Variants in NUDCD3 observed in about 807,000 individuals in gnomAD.
NUDCD3 encodes nudC domain-containing protein 3.
Under a neutral mutation model 39.7 loss-of-function variants are expected in NUDCD3, and 13 were observed. That is an observed-to-expected ratio of 0.33 (90% CI 0.21 to 0.52). NUDCD3 has a LOEUF of 0.52. NUDCD3 is among the 20% of genes least tolerant of loss of function. The pLI is 0.96. For missense variants in NUDCD3, 453 were observed against 458.1 expected (o/e 0.99, Z 0.10); for synonymous variants, 175 against 172.4 (o/e 1.02, Z -0.12).
chr7:44,436,814 G>A (rs1799474385), intron 2 of NUDCD3, among the ~76,000 whole-genome samples: 5 of 152,024 alleles, frequency 3.3e-5, no homozygotes, highest in Admixed American at 3.3e-4. Flanking sequence ...AGAATTATTT[G>A]TTGGTTTACA....
chr7:44,439,936 T>C (rs1799543779), intron 2 of NUDCD3, among the ~76,000 whole-genome samples: 1 of 152,336 alleles, frequency 6.6e-6, no homozygotes. Context: ...ATTTGCATAA[T>C]CTCTAAGTCA....
rs1277270659 is a variant in NUDCD3, at chr7:44,383,777, G to A, written c.*2234C>T. 6.6e-6 allele frequency: 1 copy of A among 152,266 alleles called. No homozygotes were observed. The highest frequency in any genetic ancestry group is 2.4e-5 in the African/African-American group (1 of 41,458). 9.4% of individuals were successfully genotyped at this position (152,266 alleles called of 1,614,324 possible). ...TGTGTCTAAAAAGAGAAAACAGGCA[G>A]GGTGTGCCAGCTCTGGAGACTGGGC... On this transcript the variant is annotated 3_prime_UTR_variant, in exon 6 of 6. Transcript: ENST00000355451.
Position 44,484,948 on chromosome 7 carries a change from T to A in NUDCD3, c.509+20A>T. On this transcript the variant is annotated intron_variant, in intron 2 of 5. Coordinates refer to ENST00000355451, the MANE Select transcript of NUDCD3 (RefSeq NM_015332.4). ...GATGTTACGCAAGAAAGAAGGAAGC[T>A]GCAAAGTAGAAATTCCCACCTGGGA... 1 of 1,560,592 alleles carries A rather than the reference T, an allele frequency of 6.4e-7. No individual in the cohort carries two copies. Among genetic ancestry groups the A allele is most frequent in the Non-Finnish European group, 8.7e-7 (1 of 1,151,980 alleles).
At chr7:44,457,137 C>T (rs1799920457) in intron 2 of NUDCD3, among the ~76,000 whole-genome samples, 1 of 152,140 alleles carries the variant, frequency 6.6e-6, no homozygotes, top group South Asian at 2.1e-4. Context: ...GTGTCATGGT[C>T]ACTTTCTAGC....
chr7:44,386,309 G>T (rs1798401456), intron 5 of NUDCD3, among the ~76,000 whole-genome samples, 188 bp from the exon 6 acceptor site: 1 of 152,184 alleles, frequency 6.6e-6, no homozygotes, highest in Admixed American at 6.5e-5. Context: ...GGTACTGGGT[G>T]CCTGCCAATT....
chr7:44,394,083 G>C (rs1445911304), intron 4 of NUDCD3, among the ~76,000 whole-genome samples: 1 of 152,218 alleles, frequency 6.6e-6, no homozygotes, highest in Non-Finnish European at 1.5e-5. Flanking sequence ...CTAATGAAGA[G>C]GGTGGGCACC....
chr7:44,490,369 G>T, intron 1 of NUDCD3, 40 bp downstream of exon 1: 1 of 1,485,356 alleles, frequency 6.7e-7, no homozygotes. Context: ...GGGCAGGCCG[G>T]GGGCGGCGGC....
At chr7:44,420,264 A>G (rs558799215) in intron 3 of NUDCD3, among the ~76,000 whole-genome samples, 2 of 152,164 alleles carry the variant, frequency 1.3e-5, no homozygotes, top group Non-Finnish European at 2.9e-5. Context: ...TTGAAGATCA[A>G]CTTACTGAAA....
At chr7:44,454,584 T>G (rs938922767) in intron 2 of NUDCD3, among the ~76,000 whole-genome samples, 3 of 152,198 alleles carry the variant, frequency 2.0e-5, no homozygotes, top group African/African-American at 4.8e-5. Context: ...ACTGGCAAAC[T>G]GATCCTTTCA....
chr7:44,430,243 G>A (rs938394082), intron 2 of NUDCD3, among the ~76,000 whole-genome samples: 4 of 152,096 alleles, frequency 2.6e-5, no homozygotes, highest in Admixed American at 1.3e-4. Context: ...ACCCAGGTGC[G>A]GTCCCACGGC....
intron 2 of NUDCD3, among the ~76,000 whole-genome samples, chr7:44,478,956 C>T (rs773085516): frequency 1.6e-4 from 25 of 152,286 alleles, no homozygotes; most frequent in Admixed American, 5.9e-4. Context: ...TTAATTGACT[C>T]GCAGTTCAGC....
intron 3 of NUDCD3, among the ~76,000 whole-genome samples, chr7:44,419,010 CAGG>C (rs1799082766): frequency 1.3e-5 from 2 of 152,216 alleles, no homozygotes; most frequent in Admixed American, 6.5e-5. Context: ...GAGCTAGCTG[CAGG>C]AGTTTTTTTT....
intron 2 of NUDCD3, among the ~76,000 whole-genome samples, chr7:44,429,223 G>A (rs1053305757): frequency 2.0e-5 from 3 of 152,154 alleles, no homozygotes; most frequent in Non-Finnish European, 4.4e-5. Context: ...CCCCTAAAAC[G>A]CTATGTTGGA....
At chr7:44,449,232 G>A (rs943804843) in intron 2 of NUDCD3, among the ~76,000 whole-genome samples, 2 of 152,212 alleles carry the variant, frequency 1.3e-5, no homozygotes, top group Middle Eastern at 3.2e-3. Flanking sequence ...AAGACTAATC[G>A]TTGGGGAGGA....
chr7:44,454,936 AAC>A (rs10539692), intron 2 of NUDCD3, among the ~76,000 whole-genome samples: 8,747 of 142,462 alleles, frequency 0.061, 271 homozygotes, highest in South Asian at 0.098. Context: ...CCTGTCTCAA[AAC>A]ACACACACAC....
At chr7:44,413,679 C>T (rs888043572) in intron 3 of NUDCD3, among the ~76,000 whole-genome samples, 2 of 152,094 alleles carry the variant, frequency 1.3e-5, no homozygotes, top group Non-Finnish European at 2.9e-5. Context: ...TGTGAAAAAC[C>T]AAGGGCTCTT....
In NUDCD3 at chr7:44,392,471, C is replaced by G; in HGVS notation, c.801G>C (p.Lys267Asn). 2 of 1,614,022 alleles carry G rather than the reference C, an allele frequency of 1.2e-6. No individual in the cohort carries two copies. Among genetic ancestry groups the G allele is most frequent in the Non-Finnish European group, 8.5e-7 (1 of 1,179,926 alleles). The change falls in exon 5 of 6, where the codon AAG becomes AAC. Residue 267 changes from lysine (K) to asparagine (N), a missense_variant. Physicochemically the swap from Lys to Asn is moderately conservative, Grantham distance 94 (BLOSUM62 0). Transcript: ENST00000355451. The part of the protein sequence containing the change: ...PGKCVLVNLS[K>N]VGEYWWNAIL... ...TGGCGTTCCACCAATACTCGCCCAC[C>G]TTGCTCAGGTTCACCTGGGGACAAG... is the stretch of plus-strand genomic sequence containing the variant.
intron 2 of NUDCD3, among the ~76,000 whole-genome samples, chr7:44,480,787 C>A (rs1374072784): frequency 6.6e-6 from 1 of 151,458 alleles, no homozygotes; most frequent in Admixed American, 6.6e-5. Context: ...ACAAAAAATA[C>A]AAAAATCAGC....
At chr7:44,482,619 AAATT>A (rs1406105123) in intron 2 of NUDCD3, among the ~76,000 whole-genome samples, 4 of 152,204 alleles carry the variant, frequency 2.6e-5, no homozygotes, top group Non-Finnish European at 5.9e-5. Flanking sequence ...ATCAGCAAAT[AAATT>A]AATTGCCTGC....
Sources: allele counts gnomAD v4.1 joint callset (sites outside exome capture counted in the v4.1 genomes callset), GRCh38; gene constraint gnomAD v4.1.1; transcripts MANE v1.5; gene names NCBI Gene and HGNC (gene_info 2026-07-23, HGNC 2026-07-21).